The following PRKCE variants were observed in gnomAD, a reference collection of about 807,000 sequenced individuals.
PRKCE encodes protein kinase C epsilon.
Under a neutral mutation model 85.4 loss-of-function variants are expected in PRKCE, and 16 were observed. The observed-to-expected ratio is 0.19, with a 90% CI of 0.13 to 0.28. The LOEUF (loss-of-function observed/expected upper bound fraction) is 0.28, where lower values mean the gene tolerates loss of function less well. Among genes scored for constraint, PRKCE ranks in the 10% least tolerant of loss-of-function variants. The pLI is 1.00. For missense variants in PRKCE, 573 were observed against 975.2 expected (o/e 0.59, Z 5.49); for synonymous variants, 388 against 371.5 (o/e 1.04, Z -0.51).
intron 2 of PRKCE, among the ~76,000 whole-genome samples, chr2:45,922,848 C>A (rs1698352459): frequency 6.6e-6 from 1 of 152,208 alleles, no homozygotes; most frequent in African/African-American, 2.4e-5. Context: ...ACCATCACAC[C>A]TTTCTCTTGC....
intron 10 of PRKCE, among the ~76,000 whole-genome samples, chr2:46,065,711 G>T (rs1011620594): frequency 2.6e-5 from 4 of 152,044 alleles, no homozygotes; most frequent in African/African-American, 7.2e-5. Context: ...ATGGCAAAAA[G>T]GAATTTAAAT....
chr2:45,776,593 T>G (rs144359156), intron 1 of PRKCE, among the ~76,000 whole-genome samples: 1 of 152,196 alleles, frequency 6.6e-6, no homozygotes, highest in Non-Finnish European at 1.5e-5. Context: ...GCTCGCAAAC[T>G]TATTTGCTTT....
intron 2 of PRKCE, among the ~76,000 whole-genome samples, chr2:45,948,000 C>T (rs975512951): frequency 1.3e-5 from 2 of 152,174 alleles, no homozygotes; most frequent in Non-Finnish European, 1.5e-5. Flanking sequence ...GACCTGCCAC[C>T]CCATCCTAGA....
At chr2:45,893,310 A>G (rs1558803191) in intron 2 of PRKCE, among the ~76,000 whole-genome samples, 1 of 151,510 alleles carries the variant, frequency 6.6e-6, no homozygotes, top group African/African-American at 2.4e-5. Flanking sequence ...CCTCAGGATC[A>G]TCTCCCACAG....
rs570707132 is a variant in PRKCE at position 45,980,292 on chromosome 2, G to A, written c.608-4G>A. The A allele has an allele frequency of 6.8e-5, 108 of 1,599,380 alleles. No individual in the cohort carries two copies. Among genetic ancestry groups the A allele is most frequent in the Non-Finnish European group, 8.9e-5 (105 of 1,179,828 alleles). ...TTCAGCCTTCCTGTCTTTGCTATTT[G>A]CAGTCTGCACCTGCGTGGTCCACAA... On this transcript the variant is annotated splice_polypyrimidine_tract_variant and splice_region_variant and intron_variant, in intron 4 of 14. Transcript: ENST00000306156.
At chr2:45,711,152 A>G (rs1007950216) in intron 1 of PRKCE, among the ~76,000 whole-genome samples, 30 of 152,276 alleles carry the variant, frequency 2.0e-4, no homozygotes, top group Admixed American at 1.8e-3. Flanking sequence ...TACTTACTCT[A>G]TGTGCAGCCA....
chr2:45,855,181 G>A (rs1388376182), intron 2 of PRKCE, among the ~76,000 whole-genome samples: 2 of 152,146 alleles, frequency 1.3e-5, no homozygotes, highest in African/African-American at 4.8e-5. Flanking sequence ...GTAAGATCTG[G>A]ATGTGACAAG....
At chr2:45,781,077 A>T (rs1232405363) in intron 1 of PRKCE, among the ~76,000 whole-genome samples, 1 of 152,172 alleles carries the variant, frequency 6.6e-6, no homozygotes, top group Non-Finnish European at 1.5e-5. Context: ...TCAAGGCTGT[A>T]ATCCCAGCAC....
rs546069661 is a variant in PRKCE at position 45,831,562 on chromosome 2, T to C, written c.349-11438T>C. On this transcript the variant is annotated intron_variant, in intron 1 of 14. Coordinates refer to ENST00000306156, the MANE Select transcript of PRKCE (RefSeq NM_005400.3). ...TTTTGTAGTTGTAGAGAACAGAGAATAAACAGAATTTGTGATGTATAACTT... is the reference window on the plus strand; with the variant it reads ...TTTTGTAGTTGTAGAGAACAGAGAACAAACAGAATTTGTGATGTATAACTT... Among the ~76,000 whole-genome samples, 7 of 152,260 alleles carry C rather than the reference T, an allele frequency of 4.6e-5. No homozygotes were observed. The South Asian group carries it at 1.5e-3, about 32-fold the overall frequency.
At chr2:45,688,893 G>A (rs188332220) in intron 1 of PRKCE, among the ~76,000 whole-genome samples, 3 of 152,308 alleles carry the variant, frequency 2.0e-5, no homozygotes, top group Admixed American at 1.3e-4. Flanking sequence ...CTTCTGAATT[G>A]CCTGTATGAG....
chr2:46,119,296 T>G (rs1203178771), intron 11 of PRKCE, among the ~76,000 whole-genome samples: 3 of 150,986 alleles, frequency 2.0e-5, no homozygotes, highest in Non-Finnish European at 3.0e-5. Flanking sequence ...AAAGGGGGGG[T>G]TATTAGGGTG....
At chr2:45,719,208 C>T (rs1013339790) in intron 1 of PRKCE, among the ~76,000 whole-genome samples, 1 of 152,228 alleles carries the variant, frequency 6.6e-6, no homozygotes, top group Non-Finnish European at 1.5e-5. Flanking sequence ...GTTGGCTGGT[C>T]CTGGCTACTC....
At chr2:45,817,077 GTGTGT>G (rs1390952110) in intron 1 of PRKCE, among the ~76,000 whole-genome samples, 1 of 144,878 alleles carries the variant, frequency 6.9e-6, no homozygotes, top group African/African-American at 2.8e-5. Flanking sequence ...GTGTGTGTGT[GTGTGT>G]GTGTGTGTGT....
At chr2:46,009,022 A>G (rs770479150) in intron 9 of PRKCE, among the ~76,000 whole-genome samples, 1 of 152,238 alleles carries the variant, frequency 6.6e-6, no homozygotes, top group South Asian at 2.1e-4. Context: ...TTGATGACTT[A>G]CATTGGAATA....
intron 1 of PRKCE, among the ~76,000 whole-genome samples, chr2:45,801,024 G>C (rs907472405): frequency 5.9e-5 from 9 of 152,116 alleles, no homozygotes; most frequent in South Asian, 2.1e-4. Context: ...AAGAATTAGT[G>C]GGGGGAAGGG....
intron 1 of PRKCE, among the ~76,000 whole-genome samples, chr2:45,840,992 A>G (rs1231331249): frequency 6.6e-6 from 1 of 152,116 alleles, no homozygotes; most frequent in Non-Finnish European, 1.5e-5. Flanking sequence ...AGACTCTGGA[A>G]GTTCTGAACA....
At chr2:46,175,920 C>T (rs902794051) in intron 14 of PRKCE, among the ~76,000 whole-genome samples, 2 of 151,892 alleles carry the variant, frequency 1.3e-5, no homozygotes, top group African/African-American at 2.4e-5. Flanking sequence ...AAGAGACCCA[C>T]GGCCTTTATA....
chr2:45,864,378 C>T (rs1316139469), intron 2 of PRKCE, among the ~76,000 whole-genome samples: 1 of 152,188 alleles, frequency 6.6e-6, no homozygotes, highest in East Asian at 1.9e-4. Flanking sequence ...TTAAGTCCTA[C>T]CACACCACCC....
chr2:45,966,916 G>C (rs188610207), intron 2 of PRKCE, among the ~76,000 whole-genome samples: 52 of 152,312 alleles, frequency 3.4e-4, no homozygotes, highest in African/African-American at 1.2e-3. Context: ...GTTGGCTCCA[G>C]GGAGATAGAG....
Sources: allele counts gnomAD v4.1 joint callset (sites outside exome capture counted in the v4.1 genomes callset), GRCh38; gene constraint gnomAD v4.1.1; transcripts MANE v1.5; gene names NCBI Gene and HGNC (gene_info 2026-07-23, HGNC 2026-07-21).